The following IL1RL1 variants were observed in gnomAD, a reference collection of about 807,000 sequenced individuals.
IL1RL1 encodes interleukin 1 receptor like 1, also known as interleukin-1 receptor-like 1.
IL1RL1 carries 32 observed loss-of-function variants against 50.9 expected under a neutral mutation model. That is an observed-to-expected ratio of 0.63 (90% CI 0.47 to 0.84). The LOEUF (loss-of-function observed/expected upper bound fraction) is 0.84. Ranked by LOEUF, IL1RL1 falls within the 40% of genes least tolerant of loss-of-function variation. The pLI, the probability that IL1RL1 is intolerant of heterozygous loss-of-function variation, is 0.00. For missense variants in IL1RL1, 773 were observed against 662.9 expected (o/e 1.17, Z -1.82); for synonymous variants, 275 against 236.0 (o/e 1.17, Z -1.51).
intron 6 of IL1RL1, 26 bp downstream of exon 6, chr2:102,342,320 A>G: frequency 6.6e-7 from 1 of 1,510,406 alleles, no homozygotes; most frequent in East Asian, 2.3e-5. Context: ...AGAATGCTGT[A>G]AATATTGCCT....
intron 1 of IL1RL1, among the ~76,000 whole-genome samples, chr2:102,334,613 A>G (rs1997467): frequency 0.48 from 72,237 of 151,482 alleles, 17,427 homozygotes; most frequent in Middle Eastern, 0.63. Context: ...ATCCATCCCC[A>G]GCTTATTGTG....
chr2:102,346,152 G>T, intron 8 of IL1RL1: 1 of 774,852 alleles, frequency 1.3e-6, no homozygotes, highest in Non-Finnish European at 1.6e-6. Context: ...AGCATTTCTT[G>T]AATTTAAGAG....
intron 1 of IL1RL1, among the ~76,000 whole-genome samples, chr2:102,329,093 A>G (rs1461621931): frequency 6.6e-6 from 1 of 152,206 alleles, no homozygotes; most frequent in African/African-American, 2.4e-5. Context: ...AAACTATACT[A>G]CAAGGCTACA....
At chr2:102,336,845 C>T (rs770498360) in intron 1 of IL1RL1, among the ~76,000 whole-genome samples, 3 of 152,170 alleles carry the variant, frequency 2.0e-5, no homozygotes, top group African/African-American at 4.8e-5. Flanking sequence ...TCCTCTCCCC[C>T]ACCTTTGCTT....
chr2:102,323,675 G>T (rs1573133760), intron 1 of IL1RL1, among the ~76,000 whole-genome samples: 1 of 152,098 alleles, frequency 6.6e-6, no homozygotes, highest in African/African-American at 2.4e-5. Context: ...GGAGGGGATT[G>T]AAGGAGGGAA....
At position 102,343,189 on chromosome 2, in the gene IL1RL1, T is replaced by C. The variant is rs768045569; in HGVS notation, c.824+12T>C. 2.7e-5 allele frequency: 44 copies of C among 1,613,922 alleles called. No homozygotes were observed. Among genetic ancestry groups the C allele is most frequent in the Non-Finnish European group, 3.5e-5 (41 of 1,179,928 alleles). On this transcript the variant is annotated intron_variant, in intron 7 of 10. Coordinates refer to ENST00000233954, the MANE Select transcript of IL1RL1 (RefSeq NM_016232.5). The stretch of plus-strand genomic sequence containing the variant: ...GGGCAAAATCAAAGGTATTTTTATA[T>C]TGAAGAGAACCATCCTCTTCCCCTT...
At chr2:102,336,807 T>A (rs1677341988) in intron 1 of IL1RL1, among the ~76,000 whole-genome samples, 1 of 152,142 alleles carries the variant, frequency 6.6e-6, no homozygotes, top group Admixed American at 6.6e-5. Flanking sequence ...AATTTCTAAG[T>A]TCCAGAAAGT....
Position 102,324,808 on chromosome 2 carries a change from G to A in IL1RL1, c.-150+13185G>A, listed in dbSNP as rs1018015779. Among the ~76,000 whole-genome samples the A allele has an allele frequency of 1.8e-4, 27 of 152,332 alleles. No individual in the cohort carries two copies. In the East Asian group the frequency reaches 4.2e-3, roughly 24 times the overall value. On this transcript the variant is annotated intron_variant, in intron 1 of 10. Transcript: ENST00000233954. Reference sequence around the variant, plus strand: ...AGTTGGCAGCGAGGCTGTGGGAGGCGTGCCCACCATTGCTGAGGCTTGAGT... The same window carrying A: ...AGTTGGCAGCGAGGCTGTGGGAGGCATGCCCACCATTGCTGAGGCTTGAGT...
intron 6 of IL1RL1, 134 bp downstream of exon 6, chr2:102,342,428 T>A: frequency 1.6e-6 from 1 of 622,552 alleles, no homozygotes. Context: ...GTGACATCCC[T>A]GAAAGCACCT....
In IL1RL1 at chr2:102,343,507, A is replaced by G. The variant is rs1170313601; in HGVS notation, c.970+92A>G. 2.5e-6 allele frequency: 4 copies of G among 1,609,140 alleles called. No homozygotes were observed. The African/African-American group carries it at 5.3e-5, about 21-fold the overall frequency. On this transcript the variant is annotated intron_variant, in intron 8 of 10. Transcript: ENST00000233954. Reference sequence around the variant, plus strand: ...TGGTTCCAAGAGATCCATCAAGACAATGGGAATGGCCTGTGCCATAAAATG... The same window carrying G: ...TGGTTCCAAGAGATCCATCAAGACAGTGGGAATGGCCTGTGCCATAAAATG...
chr2:102,339,204 AG>A (rs761963571), intron 3 of IL1RL1, 157 bp downstream of exon 3: 4 of 608,368 alleles, frequency 6.6e-6, no homozygotes, highest in Non-Finnish European at 1.2e-5. Context: ...ATAAACTTCT[AG>A]GAATACTATC....
rs10192157 is a variant in IL1RL1 at position 102,351,896 on chromosome 2, C to T, written c.1646C>T (p.Thr549Ile). The change falls in exon 11 of 11, where the codon ACT becomes ATT. Residue 549 changes from threonine (T) to isoleucine (I), a missense_variant. Transcript: ENST00000233954. ...SKIPRKASSL[T>I]PLAAQKQ ...ATTCCCAGAAAGGCCTCTAGTTTGA[C>T]TCCCTTGGCTGCCCAGAAGCAATAG... 604,712 of 1,608,344 alleles carry T rather than the reference C, an allele frequency of 0.38. 122,500 individuals are homozygous for T. Among genetic ancestry groups the T allele is most frequent in the African/African-American group, 0.71 (52,804 of 74,718 alleles).
intron 8 of IL1RL1, chr2:102,344,734 C>A: frequency 2.1e-5 from 20 of 943,610 alleles, no homozygotes; most frequent in Non-Finnish European, 2.4e-5. Context: ...TTATTGATAC[C>A]AAATGTTTTT....
At position 102,338,400 on chromosome 2, in the gene IL1RL1, G is replaced by A. The variant is rs1477774299; in HGVS notation, c.61+75G>A. 4.6e-6 allele frequency: 4 copies of A among 861,060 alleles called. No individual in the cohort carries two copies. The African/African-American group carries it at 5.2e-5, about 11-fold the overall frequency. The allele number at this position is 861,060 out of a possible 1,614,324, so 53.3% of individuals were successfully genotyped here. On this transcript the variant is annotated intron_variant, in intron 2 of 10. Coordinates refer to ENST00000233954, the MANE Select transcript of IL1RL1 (RefSeq NM_016232.5). ...TTCAAGAACATTTACCTTGTTTTAA[G>A]CAGTTTGCTTCCAGTTGTTCCAGTT...
Position 102,340,685 on chromosome 2 carries a change from G to C in IL1RL1, c.467G>C (p.Gly156Ala). The change falls in exon 5 of 11, where the codon GGA (glycine) becomes GCA (alanine). Residue 156 changes from glycine (G) to alanine (A), a missense_variant. Gly to Ala is a moderately conservative substitution (Grantham distance 60, BLOSUM62 0). Transcript: ENST00000233954. ...TTTCAGAATTGTCAGGCTCTTCAAGGATCAAGGTACAGGGCGCACAAGTCA... is the reference window on the plus strand; with the variant it reads ...TTTCAGAATTGTCAGGCTCTTCAAGCATCAAGGTACAGGGCGCACAAGTCA... The part of the protein sequence containing the change: ...EWFKNCQALQ[G>A]SRYRAHKSFL... 1 of 1,593,046 alleles carries C rather than the reference G, an allele frequency of 6.3e-7. No individual in the cohort carries two copies. The highest frequency in any genetic ancestry group is 1.1e-5 in the South Asian group (1 of 87,036).
rs185335879 is a variant in IL1RL1 at position 102,318,427 on chromosome 2, T to C, written c.-150+6804T>C. On this transcript the variant is annotated intron_variant, in intron 1 of 10. Coordinates refer to ENST00000233954, the MANE Select transcript of IL1RL1 (RefSeq NM_016232.5). ...AAGATGAAGTTGCCATCAACCAAGATGAGAATGATGGTTGGAAGAGCAGAT... is the reference window on the plus strand; with the variant it reads ...AAGATGAAGTTGCCATCAACCAAGACGAGAATGATGGTTGGAAGAGCAGAT... Among the ~76,000 whole-genome samples the C allele has an allele frequency of 4.0e-5, 6 of 148,340 alleles. No homozygotes were observed. The East Asian group carries it at 7.7e-4, about 19-fold the overall frequency.
intron 1 of IL1RL1, among the ~76,000 whole-genome samples, chr2:102,323,277 T>TATA (rs1559596439): frequency 5.6e-4 from 19 of 33,884 alleles, no homozygotes; most frequent in African/African-American, 1.9e-3. Flanking sequence ...ATATATAGTG[T>TATA]GTGTGTGTGT....
chr2:102,338,104 C>T lies in IL1RL1; in HGVS notation c.-149-12C>T. On this transcript the variant is annotated splice_polypyrimidine_tract_variant and intron_variant, in intron 1 of 10. Transcript: ENST00000233954. ...AAATTCTGTTTATGGTTTTGTCTAA[C>T]TTATTTTTCAGTTGAGATATAGGCT... The T allele has an allele frequency of 2.2e-6, 1 of 452,066 alleles. No homozygotes were observed. The allele number at this position is 452,066 out of a possible 1,614,324, so 28.0% of individuals were successfully genotyped here.
chr2:102,312,653 C>T (rs967829357), intron 1 of IL1RL1, among the ~76,000 whole-genome samples: 1 of 151,754 alleles, frequency 6.6e-6, no homozygotes, highest in Non-Finnish European at 1.5e-5. Context: ...AAATAGAGAA[C>T]GGACATGAGA....
Sources: gnomAD v4.1 joint callset for allele counts (sites outside exome capture counted in the v4.1 genomes callset) on GRCh38, gnomAD v4.1.1 for gene constraint, MANE v1.5 for transcripts, NCBI Gene and HGNC (gene_info 2026-07-23, HGNC 2026-07-21) for gene names.